The following ZNF527 variants were observed in gnomAD, a reference collection of about 807,000 sequenced individuals.
ZNF527 encodes zinc finger protein 527.
In ZNF527, 5 loss-of-function variants were observed where a neutral mutation model predicts 13.5. The observed-to-expected ratio is 0.37, with a 90% confidence interval of 0.19 to 0.78. ZNF527 has a LOEUF of 0.78. Among genes scored for constraint, ZNF527 ranks in the 30% least tolerant of loss-of-function variants. ZNF527 has a pLI of 0.48. For synonymous variants in ZNF527, 209 were observed against 243.1 expected (o/e 0.86, Z 1.30); for missense variants, 628 against 726.4 (o/e 0.86, Z 1.56).
intron 2 of ZNF527, among the ~76,000 whole-genome samples, chr19:37,375,834 A>G (rs2040603338): frequency 6.6e-6 from 1 of 152,150 alleles, no homozygotes. Flanking sequence ...TAGAAGGAAA[A>G]CCAGAAGAGT....
chr19:37,388,974 A>G lies in ZNF527; in HGVS notation c.925A>G (p.Lys309Glu). 6.2e-7 allele frequency: 1 copy of G among 1,614,184 alleles called. No individual in the cohort carries two copies. The highest frequency in any genetic ancestry group is 8.5e-7 in the Non-Finnish European group (1 of 1,180,010). The change falls in exon 5 of 5, where the codon AAA becomes GAA. Residue 309 changes from lysine (K) to glutamate (E), a missense_variant. Coordinates refer to ENST00000436120, the MANE Select transcript of ZNF527 (RefSeq NM_032453.2). ...EKPYACNDCG[K>E]AFSHDFFLSE... is the part of the protein sequence containing the mutation. ...ACCATATGCATGCAATGACTGTGGA[A>G]AAGCCTTTAGCCACGACTTCTTTCT...
At position 37,389,302 on chromosome 19, in the gene ZNF527, A is replaced by C; in HGVS notation, c.1253A>C (p.Gln418Pro). 6.2e-7 allele frequency: 1 copy of C among 1,614,224 alleles called. No individual in the cohort carries two copies. Among genetic ancestry groups the C allele is most frequent in the Non-Finnish European group, 8.5e-7 (1 of 1,180,030 alleles). Reference protein sequence around the residue: ...HTGEKPYECNQCGKAFSRRIA... With the variant: ...HTGEKPYECNPCGKAFSRRIA... Reference sequence around the variant, plus strand: ...GGAGAGAAACCCTATGAATGTAATCAGTGTGGAAAAGCCTTCAGCAGACGC... The same window carrying C: ...GGAGAGAAACCCTATGAATGTAATCCGTGTGGAAAAGCCTTCAGCAGACGC... Residue 418 changes from glutamine to proline, a missense_variant, in exon 5 of 5, where the codon CAG (glutamine) becomes CCG (proline). This residue lies in a region of ZNF527 where 592 missense variants were observed against 678.0 expected (regional missense o/e 0.87). Transcript: ENST00000436120.
At position 37,374,209 on chromosome 19, in the gene ZNF527, G is replaced by T. The variant is rs779741626; in HGVS notation, c.11G>T (p.Gly4Val). The T allele has an allele frequency of 3.7e-6, 6 of 1,613,812 alleles. No individual in the cohort carries two copies. In the East Asian group the frequency reaches 1.1e-4, roughly 30 times the overall value. The change falls in exon 2 of 5, where the codon GGG becomes GTG. Residue 4 changes from glycine (G) to valine (V), a missense_variant. Physicochemically the swap from Gly to Val is moderately radical, Grantham distance 109. Transcript: ENST00000436120. Reference protein sequence around the residue: MAVGLCKAMSQGLV... With the variant: MAVVLCKAMSQGLV... Reference sequence around the variant, plus strand: ...ACTGAAGAAGGAGGAATGGCTGTGGGGCTTTGTAAAGCCATGTCCCAGGTA... The same window carrying T: ...ACTGAAGAAGGAGGAATGGCTGTGGTGCTTTGTAAAGCCATGTCCCAGGTA...
intron 4 of ZNF527, among the ~76,000 whole-genome samples, chr19:37,381,583 G>A (rs1382583137): frequency 6.6e-6 from 1 of 152,132 alleles, no homozygotes; most frequent in Admixed American, 6.6e-5. Context: ...CTTAGTGAAG[G>A]TAGTGTCTGC....
rs545220381 is a variant in ZNF527 at position 37,379,004 on chromosome 19, C to T, written c.34-116C>T. ...ACAAACCTCAGCATGTAATTGTTCT[C>T]CAATAATTATTTTCCTCGCATCACT... On this transcript the variant is annotated intron_variant, in intron 2 of 4. Coordinates refer to ENST00000436120, the MANE Select transcript of ZNF527 (RefSeq NM_032453.2). The T allele has an allele frequency of 2.4e-4, 273 of 1,140,668 alleles. 2 individuals carry two copies. In the South Asian group the frequency reaches 3.8e-3, roughly 16 times the overall value. The allele number at this position is 1,140,668 out of a possible 1,614,324, so 70.7% of individuals were successfully genotyped here. A position where few individuals can be genotyped will look rare whatever the true frequency, so the allele number is the denominator to read the frequency against.
chr19:37,388,404 C>A lies in ZNF527; in HGVS notation c.355C>A (p.His119Asn). The A allele has an allele frequency of 6.2e-7, 1 of 1,614,080 alleles. No individual in the cohort carries two copies. Among genetic ancestry groups the A allele is most frequent in the South Asian group, 1.1e-5 (1 of 91,076 alleles). Reference protein sequence around the residue: ...QEMVMERLASHGLECSSFREA... With the variant: ...QEMVMERLASNGLECSSFREA... ...GATGGTAATGGAAAGGCTAGCAAGTCATGGCCTTGAATGCTCCAGTTTCAG... is the reference window on the plus strand; with the variant it reads ...GATGGTAATGGAAAGGCTAGCAAGTAATGGCCTTGAATGCTCCAGTTTCAG... Residue 119 changes from histidine (H) to asparagine (N), a missense_variant, in exon 5 of 5, where the codon CAT becomes AAT. Transcript: ENST00000436120.
At chr19:37,378,377 G>A (rs1033478337) in intron 2 of ZNF527, among the ~76,000 whole-genome samples, 1 of 151,930 alleles carries the variant, frequency 6.6e-6, no homozygotes, top group African/African-American at 2.4e-5. Context: ...TGTACATACT[G>A]GAACCCTATC....
Position 37,379,145 on chromosome 19 carries a change from C to A in ZNF527, c.59C>A (p.Ala20Glu), listed in dbSNP as rs1267227585. The A allele has an allele frequency of 8.1e-6, 13 of 1,613,868 alleles. No individual in the cohort carries two copies. Among genetic ancestry groups the A allele is most frequent in the Non-Finnish European group, 9.3e-6 (11 of 1,179,974 alleles). Residue 20 changes from alanine to glutamate, a missense_variant, in exon 3 of 5, where the codon GCG (alanine) becomes GAG (glutamate). Physicochemically the swap from Ala to Glu is moderately radical, Grantham distance 107. This residue lies in a region of ZNF527 where 33 missense variants were observed against 31.2 expected (regional missense o/e 1.06). Transcript: ENST00000436120. ...GGGTTGGTGACCTTCAGAGATGTGG[C>A]GCTAGACTTTTCCCAAGAAGAGTGG... Reference protein sequence around the residue: ...SQGLVTFRDVALDFSQEEWEW... With the variant: ...SQGLVTFRDVELDFSQEEWEW...
intron 4 of ZNF527, among the ~76,000 whole-genome samples, chr19:37,383,083 A>G (rs1372081120): frequency 6.6e-6 from 1 of 152,176 alleles, no homozygotes; most frequent in Non-Finnish European, 1.5e-5. Context: ...TCCTGCTGTA[A>G]CAAATTAGCA....
At chr19:37,374,058 C>A in intron 1 of ZNF527, 100 bp from the exon 2 acceptor site, 1 of 774,246 alleles carries the variant, frequency 1.3e-6, no homozygotes, top group Admixed American at 2.2e-5. Flanking sequence ...GAGGCTGGCC[C>A]ATGTAGGGAG....
Position 37,388,742 on chromosome 19 carries a change from G to C in ZNF527, c.693G>C (p.Thr231=), listed in dbSNP as rs73930983. ...AATGTGAAGAATTCAACCAGAGTAC[G>C]TACCTTAGTAAAGATATAGGAATTC... ...GNECEEFNQS[T]YLSKDIGIPP... Residue 231 remains threonine, a synonymous_variant, in exon 5 of 5, where the codon ACG becomes ACC. Coordinates refer to ENST00000436120, the MANE Select transcript of ZNF527 (RefSeq NM_032453.2). The C allele has an allele frequency of 3.1e-6, 5 of 1,612,728 alleles. No individual in the cohort carries two copies. Among genetic ancestry groups the C allele is most frequent in the Non-Finnish European group, 3.4e-6 (4 of 1,179,728 alleles).
In ZNF527 at chr19:37,389,104, A is replaced by G; in HGVS notation, c.1055A>G (p.His352Arg). 1 of 1,614,248 alleles carries G rather than the reference A, an allele frequency of 6.2e-7. No individual in the cohort carries two copies. Among genetic ancestry groups the G allele is most frequent in the Non-Finnish European group, 8.5e-7 (1 of 1,180,032 alleles). Residue 352 changes from histidine (H) to arginine (R), a missense_variant, in exon 5 of 5, where the codon CAC (histidine) becomes CGC (arginine). Physicochemically the swap from His to Arg is conservative, Grantham distance 29 (BLOSUM62 0). Coordinates refer to ENST00000436120, the MANE Select transcript of ZNF527 (RefSeq NM_032453.2). Reference protein sequence around the residue: ...SAHLAQHQRIHTGEKPFACNE... With the variant: ...SAHLAQHQRIRTGEKPFACNE... ...CACCTTGCTCAACATCAGAGGATCCACACTGGAGAGAAACCGTTTGCGTGC... is the reference window on the plus strand; with the variant it reads ...CACCTTGCTCAACATCAGAGGATCCGCACTGGAGAGAAACCGTTTGCGTGC...
At chr19:37,378,541 C>T (rs532053775) in intron 2 of ZNF527, among the ~76,000 whole-genome samples, 1 of 152,194 alleles carries the variant, frequency 6.6e-6, no homozygotes, top group Non-Finnish European at 1.5e-5. Context: ...ACAAATCTCT[C>T]TCCCTTCACT....
Position 37,390,686 on chromosome 19 carries a change from C to T in ZNF527, c.*807C>T, listed in dbSNP as rs747659641. 6.6e-6 allele frequency: 1 copy of T among 152,178 alleles called. No individual in the cohort carries two copies. Among genetic ancestry groups the T allele is most frequent in the Non-Finnish European group, 1.5e-5 (1 of 68,022 alleles). The allele number at this position is 152,178 out of a possible 1,614,324, so 9.4% of individuals were successfully genotyped here. ...CAGAAATATGATGATACAGCTTGAT[C>T]TCCTGGATCCAGTCATTCCTGACAG... is the stretch of plus-strand genomic sequence containing the variant. On this transcript the variant is annotated 3_prime_UTR_variant, in exon 5 of 5. Coordinates refer to ENST00000436120, the MANE Select transcript of ZNF527 (RefSeq NM_032453.2).
intron 1 of ZNF527, among the ~76,000 whole-genome samples, chr19:37,373,486 G>A (rs1296697761): frequency 2.0e-5 from 3 of 152,110 alleles, no homozygotes; most frequent in African/African-American, 4.8e-5. Flanking sequence ...GTGGTGTTCT[G>A]TCATTAGAAT....
chr19:37,382,346 C>T (rs185775674), intron 4 of ZNF527, among the ~76,000 whole-genome samples: 59 of 152,080 alleles, frequency 3.9e-4, no homozygotes, highest in African/African-American at 1.4e-3. Flanking sequence ...CACACACACC[C>T]CTATATTTAT....
At position 37,373,488 on chromosome 19, in the gene ZNF527, C is replaced by T. The variant is rs191357440; in HGVS notation, c.-41-670C>T. On this transcript the variant is annotated intron_variant, in intron 1 of 4. Coordinates refer to ENST00000436120, the MANE Select transcript of ZNF527 (RefSeq NM_032453.2). Reference sequence around the variant, plus strand: ...CTACAATGGTCTGGTGGTGTTCTGTCATTAGAATACACCTGTGAACCAAAC... The same window carrying T: ...CTACAATGGTCTGGTGGTGTTCTGTTATTAGAATACACCTGTGAACCAAAC... Among the ~76,000 whole-genome samples the T allele has an allele frequency of 2.9e-3, 443 of 152,238 alleles. 3 individuals carry two copies. Among genetic ancestry groups the T allele is most frequent in the Non-Finnish European group, 2.4e-3 (163 of 68,004 alleles).
rs760003304 is a variant in ZNF527, at chr19:37,375,311, T to TTTGTTTTCTTTCTTTCTTTCTTTC, written c.33+1082_33+1083insGTTTTCTTTCTTTCTTTCTTTCTT. On this transcript the variant is annotated intron_variant, in intron 2 of 4. Transcript: ENST00000436120. ...CTTTCTTTCTTTCTTTCTTTCTTTC[T>TTTGTTTTCTTTCTTTCTTTCTTTC]TTTCTTTCTTTCTTTCTTTCTTTCT... is the stretch of plus-strand genomic sequence containing the variant. Among the ~76,000 whole-genome samples the TTTGTTTTCTTTCTTTCTTTCTTTC allele has an allele frequency of 1.2e-3, 99 of 79,840 alleles. 2 individuals carry two copies. Among genetic ancestry groups the TTTGTTTTCTTTCTTTCTTTCTTTC allele is most frequent in the African/African-American group, 5.0e-3 (89 of 17,800 alleles). The allele number at this position is 79,840 out of a possible 152,430, so 52.4% of individuals were successfully genotyped here.
rs754462562 is a variant in ZNF527 at position 37,389,733 on chromosome 19, G to C, written c.1684G>C (p.Ala562Pro). 1 of 1,613,816 alleles carries C rather than the reference G, an allele frequency of 6.2e-7. No homozygotes were observed. Among genetic ancestry groups the C allele is most frequent in the Non-Finnish European group, 8.5e-7 (1 of 1,180,040 alleles). The change falls in exon 5 of 5, where the codon GCT becomes CCT. Residue 562 changes from alanine to proline, a missense_variant. Ala to Pro is a conservative substitution (Grantham distance 27). Around this residue, in one of 3 missense-constraint regions of ZNF527, gnomAD observed 592 missense variants for 678.0 expected, o/e 0.87. Coordinates refer to ENST00000436120, the MANE Select transcript of ZNF527 (RefSeq NM_032453.2). ...KPYECSECGKAFHQILSLRLH... is the reference protein window; with the variant it reads ...KPYECSECGKPFHQILSLRLH... Reference sequence around the variant, plus strand: ...CTATGAATGTAGTGAATGTGGGAAGGCTTTTCATCAGATCTTGTCCCTAAG... The same window carrying C: ...CTATGAATGTAGTGAATGTGGGAAGCCTTTTCATCAGATCTTGTCCCTAAG...
Sources: gnomAD v4.1 joint callset for allele counts (sites outside exome capture counted in the v4.1 genomes callset) on GRCh38, gnomAD v4.1.1 for gene constraint, gnomAD v4.1.1 regional missense constraint, MANE v1.5 for transcripts, NCBI Gene and HGNC (gene_info 2026-07-23, HGNC 2026-07-21) for gene names.